The following NRDC variants were observed in gnomAD, a reference collection of about 807,000 sequenced individuals.
NRDC encodes the protein nardilysin.
Under a neutral mutation model 147.1 loss-of-function variants are expected in NRDC, and 54 were observed. The ratio of observed to expected loss-of-function variants is 0.37; its 90% confidence interval spans 0.29 to 0.46. The LOEUF (loss-of-function observed/expected upper bound fraction) is 0.46. Ranked by LOEUF, NRDC falls within the 20% of genes least tolerant of loss-of-function variation. NRDC has a pLI of 1.00. For synonymous variants in NRDC, 440 were observed against 482.1 expected (o/e 0.91, Z 1.14); for missense variants, 1,082 against 1,370.6 (o/e 0.79, Z 3.33).
intron 2 of NRDC, among the ~76,000 whole-genome samples, chr1:51,836,746 TA>T (rs902736602): frequency 1.3e-5 from 2 of 152,112 alleles, no homozygotes; most frequent in Non-Finnish European, 2.9e-5. Flanking sequence ...TAGTAAGTGA[TA>T]AAAAAAGATA....
chr1:51,819,273 G>A lies in NRDC; in HGVS notation c.1291+527C>T, dbSNP rs1226560513. On this transcript the variant is annotated intron_variant, in intron 9 of 30. Transcript: ENST00000352171. ...AGATCATGCCATTGTACTCCAGCCT[G>A]GGCAACAGAGCGAGACTCTGTCTCC... Among the ~76,000 whole-genome samples the A allele has an allele frequency of 2.0e-5, 3 of 151,524 alleles. No homozygotes were observed. The East Asian group carries it at 5.8e-4, about 29-fold the overall frequency.
At chr1:51,819,439 C>T (rs1467921685) in intron 9 of NRDC, among the ~76,000 whole-genome samples, 2 of 152,046 alleles carry the variant, frequency 1.3e-5, no homozygotes, top group African/African-American at 2.4e-5. Flanking sequence ...GAAACGATTG[C>T]CAAAGTGTTT....
chr1:51,807,108 G>T (rs2149197764), intron 17 of NRDC, among the ~76,000 whole-genome samples, 195 bp from the exon 18 acceptor site: 1 of 152,274 alleles, frequency 6.6e-6, no homozygotes, highest in South Asian at 2.1e-4. Context: ...AAATTCTAAA[G>T]ATCTGGAATT....
At chr1:51,864,397 C>T (rs1682700825) in intron 1 of NRDC, among the ~76,000 whole-genome samples, 1 of 152,168 alleles carries the variant, frequency 6.6e-6, no homozygotes, top group Admixed American at 6.5e-5. Context: ...ATCATTCTTA[C>T]TAGTAGAACT....
At chr1:51,815,058 G>A (rs991070129) in intron 11 of NRDC, among the ~76,000 whole-genome samples, 2 of 151,902 alleles carry the variant, frequency 1.3e-5, no homozygotes, top group Admixed American at 6.6e-5. Flanking sequence ...ATGCAAATAC[G>A]AATAGATATG....
At chr1:51,857,496 G>A (rs1158727592) in intron 1 of NRDC, among the ~76,000 whole-genome samples, 1 of 152,296 alleles carries the variant, frequency 6.6e-6, no homozygotes, top group East Asian at 1.9e-4. Context: ...CAGATGTCAT[G>A]CCCAGGAGCA....
Position 51,800,669 on chromosome 1 carries a change from G to A in NRDC, c.2328C>T (p.Leu776=). The change falls in exon 21 of 31, where the codon CTC becomes CTT. Residue 776 remains leucine, a synonymous_variant. Transcript: ENST00000352171. ...TGAACTCAGCTAAGTAGTCAATAAT[G>A]AGCTGAAACAGTAGCTAAAAGAAAA... ...FNHKLPLLFQ[L]IIDYLAEFNS... The A allele has an allele frequency of 6.2e-7, 1 of 1,613,172 alleles. No homozygotes were observed. The highest frequency in any genetic ancestry group is 8.5e-7 in the Non-Finnish European group (1 of 1,179,570).
intron 9 of NRDC, 90 bp from the exon 10 acceptor site, chr1:51,818,225 T>G: frequency 1.2e-6 from 1 of 836,236 alleles, no homozygotes; most frequent in Non-Finnish European, 1.8e-6. Flanking sequence ...ATATTTATCC[T>G]CCAATAAACA....
In NRDC at chr1:51,809,483, C is replaced by T. The variant is rs10888735; in HGVS notation, c.1904-82G>A. On this transcript the variant is annotated intron_variant, in intron 16 of 30. Coordinates refer to ENST00000352171, the MANE Select transcript of NRDC (RefSeq NM_001101662.2). ...TAATAATAAACTAGTTATCAACTGGCTTACAAATCAATTATCCTTTCTCAG... is the reference window on the plus strand; with the variant it reads ...TAATAATAAACTAGTTATCAACTGGTTTACAAATCAATTATCCTTTCTCAG... 0.016 allele frequency: 14,594 copies of T among 914,512 alleles called. 1,382 individuals carry two copies. In the African/African-American group the frequency reaches 0.21, roughly 13 times the overall value. 56.6% of individuals were successfully genotyped at this position (914,512 alleles called of 1,614,324 possible). A position where few individuals can be genotyped will look rare whatever the true frequency, so the allele number is the denominator to read the frequency against.
At chr1:51,795,355 G>A (rs1678848950) in intron 22 of NRDC, 1 of 497,860 alleles carries the variant, frequency 2.0e-6, no homozygotes, top group Non-Finnish European at 3.2e-6. Context: ...GGAAATTCAT[G>A]GTACTAAGGA....
intron 2 of NRDC, among the ~76,000 whole-genome samples, chr1:51,838,336 AGG>A (rs1164525930): frequency 6.6e-6 from 1 of 152,202 alleles, no homozygotes; most frequent in Non-Finnish European, 1.5e-5. Context: ...GGTACCAAAA[AGG>A]CTGAACAGAC....
intron 16 of NRDC, 146 bp from the exon 17 acceptor site, chr1:51,809,547 C>T (rs942046497): frequency 8.9e-6 from 6 of 677,094 alleles, no homozygotes; most frequent in Non-Finnish European, 1.3e-5. Flanking sequence ...ATTCTAGAAT[C>T]GTGCTACTCA....
At chr1:51,810,593 G>A (rs112056559) in intron 15 of NRDC, among the ~76,000 whole-genome samples, 189 bp from the exon 16 acceptor site, 1,681 of 152,248 alleles carry the variant, frequency 0.011, 15 homozygotes, top group Middle Eastern at 0.048. Context: ...CTTTATTGAG[G>A]TATAGTTGAC....
intron 1 of NRDC, among the ~76,000 whole-genome samples, chr1:51,871,974 C>T (rs1024284463): frequency 1.3e-5 from 2 of 152,124 alleles, no homozygotes. Flanking sequence ...CGGGTTCAAG[C>T]GATTCTCCTG....
intron 8 of NRDC, among the ~76,000 whole-genome samples, chr1:51,820,963 A>T (rs1680183463): frequency 6.6e-6 from 1 of 152,140 alleles, no homozygotes; most frequent in African/African-American, 2.4e-5. Context: ...AAATGTTTAA[A>T]TCATCCTGAA....
intron 1 of NRDC, among the ~76,000 whole-genome samples, chr1:51,845,157 G>A (rs1160716599): frequency 1.3e-5 from 2 of 152,086 alleles, no homozygotes; most frequent in Non-Finnish European, 2.9e-5. Context: ...CTAAACAAAT[G>A]ACTTTATTGT....
chr1:51,862,704 C>G (rs968656240), intron 1 of NRDC, among the ~76,000 whole-genome samples: 6 of 151,238 alleles, frequency 4.0e-5, no homozygotes, highest in Non-Finnish European at 8.8e-5. Context: ...GCCTAGGGAA[C>G]AGACTGAGGA....
At chr1:51,877,664 G>T (rs1034379062) in intron 1 of NRDC, among the ~76,000 whole-genome samples, 10 of 152,194 alleles carry the variant, frequency 6.6e-5, no homozygotes, top group African/African-American at 2.4e-4. Context: ...TTCAAGGTTA[G>T]AAGAAACCTT....
intron 1 of NRDC, 67 bp from the exon 2 acceptor site, chr1:51,840,581 G>T: frequency 9.5e-7 from 1 of 1,054,822 alleles, no homozygotes; most frequent in Non-Finnish European, 1.4e-6. Flanking sequence ...CAAGTAATCA[G>T]CTTAGCAGAA....
Sources: allele counts gnomAD v4.1 joint callset (sites outside exome capture counted in the v4.1 genomes callset), GRCh38; gene constraint gnomAD v4.1.1; transcripts MANE v1.5; gene names NCBI Gene and HGNC (gene_info 2026-07-23, HGNC 2026-07-21).